The following GRIP1 variants were observed in gnomAD, a reference collection of about 807,000 sequenced individuals.
GRIP1 encodes the protein glutamate receptor interacting protein 1, also known as glutamate receptor-interacting protein 1.
In GRIP1, 45 loss-of-function variants were observed where a neutral mutation model predicts 129.9. The ratio of observed to expected loss-of-function variants is 0.35; its 90% CI spans 0.27 to 0.44. The LOEUF (loss-of-function observed/expected upper bound fraction) is 0.44. Ranked by LOEUF, GRIP1 falls within the 20% of genes least tolerant of loss-of-function variation. The probability of loss-of-function intolerance (pLI) is 1.00; values close to 1 mark genes in which losing one functional copy is unlikely to be tolerated. For synonymous variants in GRIP1, 530 were observed against 520.8 expected, an observed-to-expected ratio of 1.02 and a Z score of -0.24; for missense variants, 1,196 against 1,396.8, an observed-to-expected ratio of 0.86 and a Z score of 2.29.
intron 1 of GRIP1, among the ~76,000 whole-genome samples, chr12:66,800,885 G>A (rs1406403407): frequency 2.0e-5 from 3 of 151,452 alleles, no homozygotes; most frequent in South Asian, 2.1e-4. Context: ...ATGCAGTCTC[G>A]GATTTACAAA....
chr12:66,916,587 A>T (rs1044341084), intron 1 of GRIP1, among the ~76,000 whole-genome samples: 4 of 152,170 alleles, frequency 2.6e-5, no homozygotes, highest in African/African-American at 9.7e-5. Context: ...TAGAAGTATT[A>T]TTTTTTTAAA....
At chr12:66,809,639 C>G (rs1410977800) in intron 1 of GRIP1, among the ~76,000 whole-genome samples, 2 of 151,834 alleles carry the variant, frequency 1.3e-5, no homozygotes, top group African/African-American at 2.4e-5. Flanking sequence ...AACTCATGAG[C>G]ACATAATTTA....
intron 2 of GRIP1, among the ~76,000 whole-genome samples, chr12:66,587,100 A>T (rs563283603): frequency 7.9e-5 from 12 of 152,228 alleles, no homozygotes; most frequent in Middle Eastern, 3.4e-3. Flanking sequence ...CAGCCATTCA[A>T]TTTGGCATAA....
chr12:67,056,483 C>G (rs2043437947), intron 1 of GRIP1, among the ~76,000 whole-genome samples: 1 of 151,380 alleles, frequency 6.6e-6, no homozygotes, highest in South Asian at 2.1e-4. Context: ...TATGGTAGCT[C>G]AGGATTCCAG....
chr12:66,679,943 C>T (rs2034519871), upstream of GRIP1, among the ~76,000 whole-genome samples: 1 of 152,066 alleles, frequency 6.6e-6, no homozygotes, highest in African/African-American at 2.4e-5. Context: ...GATAAGAAGG[C>T]GGAGCACACC....
At chr12:66,475,533 C>T (rs1202335224) in intron 7 of GRIP1, among the ~76,000 whole-genome samples, 1 of 152,216 alleles carries the variant, frequency 6.6e-6, no homozygotes, top group Non-Finnish European at 1.5e-5. Flanking sequence ...ACATTCTTCT[C>T]AGCACCACAC....
intron 15 of GRIP1, among the ~76,000 whole-genome samples, chr12:66,416,025 A>G (rs181498373): frequency 4.0e-4 from 61 of 152,178 alleles, no homozygotes; most frequent in African/African-American, 1.5e-3. Flanking sequence ...GCACACATTT[A>G]CCTATGTAAC....
At chr12:66,725,569 C>A (rs553066035) in intron 1 of GRIP1, among the ~76,000 whole-genome samples, 80 of 151,962 alleles carry the variant, frequency 5.3e-4, no homozygotes, top group Non-Finnish European at 8.5e-4. Flanking sequence ...CTTTTAAAAT[C>A]ATTAAATCAC....
At chr12:67,001,132 T>C (rs937596702) in intron 1 of GRIP1, among the ~76,000 whole-genome samples, 1 of 152,340 alleles carries the variant, frequency 6.6e-6, no homozygotes, top group Non-Finnish European at 1.5e-5. Flanking sequence ...GTTCAACTTA[T>C]CCCTGTCTTA....
chr12:66,385,308 G>A (rs956468504), intron 19 of GRIP1, among the ~76,000 whole-genome samples: 9 of 152,162 alleles, frequency 5.9e-5, no homozygotes, highest in African/African-American at 1.7e-4. Context: ...GGCTGAGGCG[G>A]GCAGATCACC....
intron 7 of GRIP1, among the ~76,000 whole-genome samples, chr12:66,500,913 C>A (rs766584456): frequency 2.0e-5 from 3 of 152,198 alleles, no homozygotes; most frequent in Non-Finnish European, 2.9e-5. Context: ...TGATCTCAAC[C>A]TGCTTCTGAG....
intron 1 of GRIP1, among the ~76,000 whole-genome samples, chr12:66,625,330 G>A (rs183120115): frequency 2.6e-4 from 40 of 152,086 alleles, no homozygotes; most frequent in Admixed American, 4.6e-4. Flanking sequence ...CCTTGATCTG[G>A]GTTATGCATC....
rs561405413 is a variant in GRIP1, at chr12:66,978,942, G to C, written c.58+90108C>G. ...GACAAATGGCAAAGTGGTAGACCGT[G>C]ACACAGCCACAACCCAAGCCCACAG... is the stretch of plus-strand genomic sequence containing the variant. On this transcript the variant is annotated intron_variant, in intron 1 of 1. Transcript: ENST00000643019. Among the ~76,000 whole-genome samples the C allele has an allele frequency of 1.7e-4, 26 of 151,702 alleles. 1 individual carries two copies. The East Asian group carries it at 4.7e-3, about 27-fold the overall frequency.
At chr12:66,959,716 T>C (rs2041895087) in intron 1 of GRIP1, among the ~76,000 whole-genome samples, 1 of 152,188 alleles carries the variant, frequency 6.6e-6, no homozygotes, top group Non-Finnish European at 1.5e-5. Flanking sequence ...TCCACTTTCT[T>C]ATTTCTTAGG....
chr12:66,903,339 A>C (rs2040874660), intron 1 of GRIP1, among the ~76,000 whole-genome samples: 1 of 149,780 alleles, frequency 6.7e-6, no homozygotes, highest in Non-Finnish European at 1.5e-5. Context: ...GTATGGCAAT[A>C]CTTCAAGAGC....
At chr12:67,026,983 C>T (rs116228975) in intron 1 of GRIP1, among the ~76,000 whole-genome samples, 2,248 of 152,164 alleles carry the variant, frequency 0.015, 51 homozygotes, top group African/African-American at 0.051. Context: ...AGTGCAATGG[C>T]GCAATCACAG....
At chr12:66,564,038 C>G (rs1182143488) in intron 2 of GRIP1, 3 of 157,846 alleles carry the variant, frequency 1.9e-5, no homozygotes, top group African/African-American at 7.3e-5. Context: ...AAGCTTGTCT[C>G]CCATTGGATT....
chr12:66,534,186 C>T (rs764186564), intron 4 of GRIP1, among the ~76,000 whole-genome samples: 4 of 152,162 alleles, frequency 2.6e-5, no homozygotes, highest in Admixed American at 6.5e-5. Context: ...TTTTGATTTC[C>T]GTCACAACAA....
chr12:66,706,748 C>T (rs1359367701), intron 1 of GRIP1, among the ~76,000 whole-genome samples: 1 of 152,056 alleles, frequency 6.6e-6, no homozygotes, highest in African/African-American at 2.4e-5. Flanking sequence ...CCATCATCCT[C>T]AGCAAACTAA....
Sources: allele counts gnomAD v4.1 joint callset (sites outside exome capture counted in the v4.1 genomes callset), GRCh38; gene constraint gnomAD v4.1.1; transcripts MANE v1.5; gene names NCBI Gene and HGNC (gene_info 2026-07-23, HGNC 2026-07-21).